The following TTYH3 variants were observed in gnomAD, a reference collection of about 807,000 sequenced individuals.
The protein encoded by TTYH3 is protein tweety homolog 3.
A neutral mutation model predicts 68.2 loss-of-function variants in TTYH3; 23 were observed. The observed-to-expected ratio is 0.34, with a 90% CI of 0.24 to 0.48. The LOEUF (loss-of-function observed/expected upper bound fraction) is 0.48, where lower values mean the gene tolerates loss of function less well. Among genes scored for constraint, TTYH3 ranks in the 20% least tolerant of loss-of-function variants. TTYH3 has a pLI of 0.99. For synonymous variants in TTYH3, 360 were observed against 332.8 expected (o/e 1.08, Z -0.89); for missense variants, 768 against 727.7 (o/e 1.06, Z -0.64).
intron 1 of TTYH3, among the ~76,000 whole-genome samples, chr7:2,632,685 G>C (rs565904628): frequency 6.6e-6 from 1 of 152,230 alleles, no homozygotes. Context: ...TCCCAGCAGA[G>C]ACCCCTCCCC....
intron 1 of TTYH3, among the ~76,000 whole-genome samples, chr7:2,635,989 C>T (rs997468591): frequency 2.0e-5 from 3 of 152,238 alleles, no homozygotes; most frequent in East Asian, 1.9e-4. Context: ...TGACTGCGCA[C>T]GGGGAATGTG....
chr7:2,636,761 C>A (rs1158872879), intron 1 of TTYH3, among the ~76,000 whole-genome samples: 1 of 151,430 alleles, frequency 6.6e-6, no homozygotes, highest in African/African-American at 2.4e-5. Flanking sequence ...CTGAGCTTGC[C>A]TTTTGGCCAG....
intron 1 of TTYH3, among the ~76,000 whole-genome samples, chr7:2,641,701 G>A (rs114887111): frequency 6.6e-6 from 1 of 152,248 alleles, no homozygotes; most frequent in Admixed American, 6.5e-5. Context: ...AGAGGTGGCT[G>A]GGCCACCGTA....
Position 2,646,958 on chromosome 7 carries a change from G to A in TTYH3, c.229G>A (p.Glu77Lys). The change falls in exon 2 of 14, where the codon GAG becomes AAG. Residue 77 changes from glutamate to lysine, a missense_variant. Physicochemically the swap from Glu to Lys is moderately conservative, Grantham distance 56 (BLOSUM62 1). Transcript: ENST00000258796. ...GTGCTGCCGGCGGCGCAAGAGCGAG[G>A]AGCACCTGGACGCCGACTGCTGCTG... ...WLCCRRRKSE[E>K]HLDADCCCTA... is the part of the protein sequence containing the mutation. The A allele has an allele frequency of 1.3e-6, 2 of 1,599,672 alleles. No individual in the cohort carries two copies. The highest frequency in any genetic ancestry group is 1.7e-6 in the Non-Finnish European group (2 of 1,177,730).
intron 1 of TTYH3, among the ~76,000 whole-genome samples, chr7:2,636,290 T>C (rs1785654923): frequency 6.6e-6 from 1 of 152,238 alleles, no homozygotes; most frequent in Admixed American, 6.5e-5. Context: ...GTTGGTCGCC[T>C]GTCGCCTGTC....
chr7:2,636,636 A>G (rs1785663718), intron 1 of TTYH3, among the ~76,000 whole-genome samples: 1 of 152,150 alleles, frequency 6.6e-6, no homozygotes, highest in Non-Finnish European at 1.5e-5. Flanking sequence ...TGTACAGCGA[A>G]TGGGACCCTG....
intron 1 of TTYH3, among the ~76,000 whole-genome samples, chr7:2,642,646 T>A (rs1193454529): frequency 6.6e-6 from 1 of 151,766 alleles, no homozygotes; most frequent in African/African-American, 2.4e-5. Context: ...GAGGATCACT[T>A]AAGCCCAGGA....
At chr7:2,639,412 C>T (rs1228038651) in intron 1 of TTYH3, among the ~76,000 whole-genome samples, 1 of 152,230 alleles carries the variant, frequency 6.6e-6, no homozygotes, top group Non-Finnish European at 1.5e-5. Flanking sequence ...CGATGCTCCC[C>T]ACAACGGGAG....
intron 9 of TTYH3, among the ~76,000 whole-genome samples, chr7:2,653,915 C>T (rs1295515659): frequency 6.6e-6 from 1 of 152,064 alleles, no homozygotes; most frequent in African/African-American, 2.4e-5. Context: ...CTTGATAAAA[C>T]CCAAATCTCT....
intron 7 of TTYH3, among the ~76,000 whole-genome samples, 191 bp downstream of exon 7, chr7:2,650,179 A>C (rs1786128084): frequency 6.6e-6 from 1 of 152,238 alleles, no homozygotes; most frequent in Admixed American, 6.5e-5. Context: ...AAAGAATGAC[A>C]GGAACTATGT....
chr7:2,659,235 C>T (rs1200346052), intron 13 of TTYH3, among the ~76,000 whole-genome samples: 4 of 152,172 alleles, frequency 2.6e-5, no homozygotes, highest in African/African-American at 9.7e-5. Context: ...GCCAGCTCCT[C>T]CCCGCTGGCC....
At chr7:2,635,783 C>T (rs953232749) in intron 1 of TTYH3, among the ~76,000 whole-genome samples, 6 of 152,168 alleles carry the variant, frequency 3.9e-5, no homozygotes, top group African/African-American at 9.7e-5. Context: ...GCATGGGGGA[C>T]GTGTTTTCCA....
chr7:2,640,453 C>T (rs1412284756), intron 1 of TTYH3, among the ~76,000 whole-genome samples: 2 of 152,168 alleles, frequency 1.3e-5, no homozygotes, highest in East Asian at 3.9e-4. Context: ...TGTGCACCCT[C>T]CCGAGTGGCA....
At chr7:2,659,060 G>C (rs1363544436) in intron 13 of TTYH3, 45 bp downstream of exon 13, 10 of 1,582,006 alleles carry the variant, frequency 6.3e-6, no homozygotes, top group East Asian at 2.2e-5. Context: ...GCTCAGCCTT[G>C]GGGGTCCGCT....
chr7:2,653,699 C>T (rs910138408), intron 9 of TTYH3, among the ~76,000 whole-genome samples: 2 of 152,106 alleles, frequency 1.3e-5, no homozygotes, highest in African/African-American at 4.8e-5. Flanking sequence ...ACCATTTCTA[C>T]TAAAAATACA....
chr7:2,634,028 T>A (rs1785592958), intron 1 of TTYH3, among the ~76,000 whole-genome samples: 1 of 152,124 alleles, frequency 6.6e-6, no homozygotes, highest in Admixed American at 6.5e-5. Flanking sequence ...TTCTGCCCCC[T>A]TTCCTCCCCT....
At position 2,645,808 on chromosome 7, in the gene TTYH3, C is replaced by T. The variant is rs1464532412; in HGVS notation, c.124-1045C>T. On this transcript the variant is annotated intron_variant, in intron 1 of 13. Transcript: ENST00000258796. This position sits in a 1 kb window ranked among gnomAD's most constrained non-coding sequence, Gnocchi z 4.8. The stretch of plus-strand genomic sequence containing the variant: ...TGGTCAGCAAGAGGGGGTTCAGTCC[C>T]CCACAGGCTCCCAATTTCCCTACCA... 1 of 470,836 alleles carries T rather than the reference C, an allele frequency of 2.1e-6. No individual in the cohort carries two copies. The highest frequency in any genetic ancestry group is 2.0e-5 in the African/African-American group (1 of 50,064). The allele number at this position is 470,836 out of a possible 1,614,324, so 29.2% of individuals were successfully genotyped here. A position where few individuals can be genotyped will look rare whatever the true frequency, so the allele number is the denominator to read the frequency against.
At position 2,663,728 on chromosome 7, in the gene TTYH3, G is replaced by GC. The variant is rs1380535569; in HGVS notation, c.*1990dup. ...CACAAATGCTGTCCATGGCCGTGAG[G>GC]CTGCCTGCCAGGTGAATGGACATAG... is the stretch of plus-strand genomic sequence containing the variant. On this transcript the variant is annotated 3_prime_UTR_variant, in exon 14 of 14. Coordinates refer to ENST00000258796, the MANE Select transcript of TTYH3 (RefSeq NM_025250.3). The GC allele has an allele frequency of 6.5e-6, 1 of 152,750 alleles. No homozygotes were observed. The highest frequency in any genetic ancestry group is 1.9e-4 in the East Asian group (1 of 5,326). 9.5% of individuals were successfully genotyped at this position (152,750 alleles called of 1,614,324 possible).
chr7:2,645,913 G>A lies in TTYH3; in HGVS notation c.124-940G>A, dbSNP rs1487406769. ...TAGGAGAGTTCTGGGCCTGAGACGG[G>A]GACGGGCTCTGGGGTCCTGGGGCTG... On this transcript the variant is annotated intron_variant, in intron 1 of 13. Coordinates refer to ENST00000258796, the MANE Select transcript of TTYH3 (RefSeq NM_025250.3). The surrounding 1 kb of genome is among the most constrained non-coding windows in gnomAD (Gnocchi z 4.8). The A allele has an allele frequency of 2.1e-6, 1 of 466,956 alleles. No individual in the cohort carries two copies. Among genetic ancestry groups the A allele is most frequent in the African/African-American group, 2.0e-5 (1 of 50,020 alleles). The allele number at this position is 466,956 out of a possible 1,614,324, so 28.9% of individuals were successfully genotyped here. A position where few individuals can be genotyped will look rare whatever the true frequency, so the allele number is the denominator to read the frequency against.
Sources: allele counts gnomAD v4.1 joint callset (sites outside exome capture counted in the v4.1 genomes callset), GRCh38; gene constraint gnomAD v4.1.1; non-coding constraint Gnocchi (gnomAD v3.1); transcripts MANE v1.5; gene names NCBI Gene and HGNC (gene_info 2026-07-23, HGNC 2026-07-21).